Variants in HDAC9 observed in about 807,000 individuals in gnomAD.
The protein encoded by HDAC9 is MEF-2 interacting transcription repressor (MITR) protein.
In HDAC9, 41 loss-of-function variants were observed where a neutral mutation model predicts 139.4. The observed-to-expected ratio is 0.29, with a 90% CI of 0.23 to 0.38. HDAC9 has a LOEUF of 0.38. HDAC9 is among the 10% of genes least tolerant of loss of function. HDAC9 has a pLI of 1.00. For synonymous variants in HDAC9, 517 were observed against 476.2 expected (o/e 1.09, Z -1.12); for missense variants, 1,147 against 1,297.0 (o/e 0.88, Z 1.78).
chr7:18,426,501 G>A (rs1790129158), intron 1 of HDAC9, among the ~76,000 whole-genome samples: 1 of 152,074 alleles, frequency 6.6e-6, no homozygotes, highest in South Asian at 2.1e-4. Flanking sequence ...ATACATTGAG[G>A]GCATTGGGTT....
At chr7:18,874,443 T>C in intron 21 of HDAC9, 35 bp from the exon 22 acceptor site, 1 of 1,360,932 alleles carries the variant, frequency 7.3e-7, no homozygotes, top group Non-Finnish European at 1.0e-6. Context: ...TATTCACCAG[T>C]CCCACGTGTG....
intron 25 of HDAC9, among the ~76,000 whole-genome samples, chr7:18,988,158 G>C (rs1419484091): frequency 4.6e-5 from 7 of 152,056 alleles, no homozygotes; most frequent in Non-Finnish European, 7.4e-5. Context: ...TGATGTTAGG[G>C]TGTCAATTTT....
intron 8 of HDAC9, among the ~76,000 whole-genome samples, chr7:18,637,317 C>T (rs1359238757): frequency 6.6e-6 from 1 of 151,890 alleles, no homozygotes; most frequent in East Asian, 1.9e-4. Flanking sequence ...GTATTTAGTA[C>T]AACATATTGG....
chr7:18,920,712 G>C (rs1308529361), intron 22 of HDAC9, among the ~76,000 whole-genome samples: 5 of 152,084 alleles, frequency 3.3e-5, no homozygotes, highest in Admixed American at 1.3e-4. Flanking sequence ...AAGCGTTGTT[G>C]AATTTTGTCA....
At chr7:18,393,968 T>C (rs983195126) in intron 1 of HDAC9, among the ~76,000 whole-genome samples, 6 of 152,302 alleles carry the variant, frequency 3.9e-5, no homozygotes, top group African/African-American at 1.4e-4. Flanking sequence ...TCAGTGAAGT[T>C]CAAATTATCC....
chr7:18,786,489 C>T (rs59575495), intron 16 of HDAC9, among the ~76,000 whole-genome samples: 2,498 of 24,600 alleles, frequency 0.1, 269 homozygotes, highest in African/African-American at 0.16. Context: ...TTCCTTTCTT[C>T]CTTCCTTCCT....
At chr7:18,384,112 A>T (rs1467628352) in intron 1 of HDAC9, among the ~76,000 whole-genome samples, 1 of 152,046 alleles carries the variant, frequency 6.6e-6, no homozygotes, top group Non-Finnish European at 1.5e-5. Context: ...ACAGTTAAAG[A>T]TGAATCTAGG....
intron 16 of HDAC9, among the ~76,000 whole-genome samples, chr7:18,779,778 T>A (rs896256733): frequency 2.6e-5 from 4 of 151,932 alleles, no homozygotes; most frequent in Admixed American, 1.3e-4. Flanking sequence ...TAGATTCAGG[T>A]CTGCAGAGGG....
At chr7:18,252,646 C>T (rs1202158722) in intron 2 of HDAC9, among the ~76,000 whole-genome samples, 1 of 151,992 alleles carries the variant, frequency 6.6e-6, no homozygotes, top group Non-Finnish European at 1.5e-5. Flanking sequence ...CACCAAAGCA[C>T]ATTCATAAAA....
intron 2 of HDAC9, among the ~76,000 whole-genome samples, chr7:18,545,983 A>G (rs1814675840): frequency 6.6e-6 from 1 of 152,196 alleles, no homozygotes; most frequent in African/African-American, 2.4e-5. Context: ...CTCAGATTAC[A>G]TTATTTTTTC....
At chr7:18,913,363 A>G (rs1401344317) in intron 22 of HDAC9, among the ~76,000 whole-genome samples, 1 of 152,056 alleles carries the variant, frequency 6.6e-6, no homozygotes, top group African/African-American at 2.4e-5. Context: ...ATAGAATGGG[A>G]GGATGTTTGG....
intron 1 of HDAC9, among the ~76,000 whole-genome samples, chr7:18,481,251 A>G (rs1359372129): frequency 1.3e-5 from 2 of 152,226 alleles, no homozygotes; most frequent in African/African-American, 4.8e-5. Context: ...ACCAAATAAC[A>G]TAGGCTTTGA....
intron 1 of HDAC9, among the ~76,000 whole-genome samples, chr7:18,151,092 T>C (rs1786746511): frequency 1.3e-5 from 2 of 152,262 alleles, no homozygotes; most frequent in Admixed American, 1.3e-4. Flanking sequence ...AACTGGAATA[T>C]AAAAGCAAAG....
intron 2 of HDAC9, among the ~76,000 whole-genome samples, chr7:18,205,924 G>A (rs1174218925): frequency 6.6e-6 from 1 of 152,116 alleles, no homozygotes; most frequent in African/African-American, 2.4e-5. Flanking sequence ...TTTATTGAGT[G>A]TGGGGTCTCA....
At chr7:18,368,540 A>G (rs1427962336) in intron 1 of HDAC9, among the ~76,000 whole-genome samples, 1 of 149,662 alleles carries the variant, frequency 6.7e-6, no homozygotes, top group African/African-American at 2.5e-5. Context: ...GTTTTGCTAA[A>G]CCGTGCTTTA....
At chr7:18,444,509 A>G (rs1414217281) in intron 1 of HDAC9, among the ~76,000 whole-genome samples, 1 of 152,122 alleles carries the variant, frequency 6.6e-6, no homozygotes, top group Middle Eastern at 3.2e-3. Flanking sequence ...ACCACTGTAT[A>G]TCCCATACTC....
At chr7:18,854,118 T>A in intron 21 of HDAC9, among the ~76,000 whole-genome samples, 1 of 152,300 alleles carries the variant, frequency 6.6e-6, no homozygotes, top group South Asian at 2.1e-4. Context: ...ACTTCTATTT[T>A]AAAAATCTTT....
chr7:18,286,400 A>G (rs1797455273), upstream of HDAC9, among the ~76,000 whole-genome samples: 1 of 148,788 alleles, frequency 6.7e-6, no homozygotes, highest in Non-Finnish European at 1.5e-5. Context: ...ATGTATTTAT[A>G]TAATATTATA....
intron 1 of HDAC9, among the ~76,000 whole-genome samples, chr7:18,375,618 C>T (rs527901191): frequency 5.0e-4 from 76 of 152,318 alleles, no homozygotes; most frequent in Admixed American, 3.5e-3. Flanking sequence ...ACTGGCACTT[C>T]GCTGAGGGGT....
Sources: gnomAD v4.1 joint callset for allele counts (sites outside exome capture counted in the v4.1 genomes callset) on GRCh38, gnomAD v4.1.1 for gene constraint, MANE v1.5 for transcripts, NCBI Gene and HGNC (gene_info 2026-07-23, HGNC 2026-07-21) for gene names.